Variants in CADM2 observed in about 807,000 individuals in gnomAD.
The protein encoded by CADM2 is immunoglobulin superfamily member 4D.
CADM2 carries 12 observed loss-of-function variants against 49.8 expected under a neutral mutation model. The observed-to-expected ratio is 0.24, with a 90% CI of 0.15 to 0.39. The LOEUF (loss-of-function observed/expected upper bound fraction) is 0.39, where lower values mean the gene tolerates loss of function less well. CADM2 is among the 10% of genes least tolerant of loss of function. The pLI is 1.00. For synonymous variants in CADM2, 214 were observed against 175.4 expected (o/e 1.22, Z -1.74); for missense variants, 378 against 492.3 (o/e 0.77, Z 2.20).
At chr3:85,039,818 C>G (rs1299422997) in intron 1 of CADM2, among the ~76,000 whole-genome samples, 1 of 152,280 alleles carries the variant, frequency 6.6e-6, no homozygotes, top group East Asian at 1.9e-4. Flanking sequence ...GCTCCTATTA[C>G]TTGCTACTAC....
intron 1 of CADM2, among the ~76,000 whole-genome samples, chr3:85,329,306 G>A (rs150788842): frequency 1.1e-3 from 169 of 152,008 alleles, no homozygotes; most frequent in African/African-American, 4.0e-3. Context: ...GGAGGCCGAG[G>A]GAGGAAGATC....
intron 8 of CADM2, chr3:86,028,104 T>C (rs895709904): frequency 2.0e-5 from 3 of 150,198 alleles, no homozygotes; most frequent in African/African-American, 7.3e-5. Flanking sequence ...TAATGTTAAA[T>C]GATGAGTTAA....
intron 1 of CADM2, among the ~76,000 whole-genome samples, chr3:85,294,825 A>G (rs1234490736): frequency 2.6e-5 from 4 of 152,288 alleles, no homozygotes; most frequent in Non-Finnish European, 4.4e-5. Context: ...TAGACCTAAA[A>G]CCATAAAAAC....
At chr3:85,446,036 TAGTCA>T (rs2037435390) in intron 1 of CADM2, among the ~76,000 whole-genome samples, 1 of 152,152 alleles carries the variant, frequency 6.6e-6, no homozygotes, top group African/African-American at 2.4e-5. Flanking sequence ...GTACACTAGA[TAGTCA>T]TTAACTCCTG....
At chr3:86,048,181 ATTATG>A (rs1223765444) in intron 8 of CADM2, among the ~76,000 whole-genome samples, 3 of 151,184 alleles carry the variant, frequency 2.0e-5, no homozygotes, top group Non-Finnish European at 4.4e-5. Flanking sequence ...GTGCATTATG[ATTATG>A]TTATTTTATT....
chr3:85,418,652 T>C (rs2036019466), intron 1 of CADM2, among the ~76,000 whole-genome samples: 1 of 152,132 alleles, frequency 6.6e-6, no homozygotes, highest in Non-Finnish European at 1.5e-5. Context: ...ATAGGTAAAT[T>C]GTTAAAATCT....
At chr3:85,754,676 G>A (rs2069018903) in intron 2 of CADM2, among the ~76,000 whole-genome samples, 1 of 151,950 alleles carries the variant, frequency 6.6e-6, no homozygotes, top group African/African-American at 2.4e-5. Flanking sequence ...CTCCAAACAA[G>A]TTTTGTGAGA....
At chr3:85,226,259 T>C (rs1411283870) in intron 1 of CADM2, among the ~76,000 whole-genome samples, 2 of 151,928 alleles carry the variant, frequency 1.3e-5, no homozygotes, top group Non-Finnish European at 2.9e-5. Flanking sequence ...GATTTTTTTT[T>C]TTTTGATTGG....
At chr3:85,335,591 T>C (rs575143725) in intron 1 of CADM2, among the ~76,000 whole-genome samples, 3 of 151,524 alleles carry the variant, frequency 2.0e-5, no homozygotes, top group Non-Finnish European at 4.4e-5. Flanking sequence ...AAATCCTCCC[T>C]TCTAGCTATA....
intron 8 of CADM2, among the ~76,000 whole-genome samples, chr3:86,007,025 G>A (rs1276525388): frequency 2.6e-5 from 4 of 152,042 alleles, no homozygotes; most frequent in Admixed American, 2.6e-4. Context: ...GGGTGACAGA[G>A]TGAGACTCCA....
chr3:85,192,081 CTT>C (rs34572245), intron 1 of CADM2, among the ~76,000 whole-genome samples: 1,686 of 151,246 alleles, frequency 0.011, 16 homozygotes, highest in Middle Eastern at 0.024. Flanking sequence ...TTATTGACAA[CTT>C]ATAATAAATC....
chr3:86,058,511 T>C (rs977990899), intron 8 of CADM2, among the ~76,000 whole-genome samples: 1 of 152,104 alleles, frequency 6.6e-6, no homozygotes, highest in Admixed American at 6.6e-5. Flanking sequence ...TAGCAGTAAA[T>C]GGTTTAAGGC....
intron 2 of CADM2, among the ~76,000 whole-genome samples, chr3:85,735,708 A>G (rs1238892674): frequency 1.3e-5 from 2 of 152,124 alleles, no homozygotes; most frequent in Non-Finnish European, 2.9e-5. Context: ...TGGAAGTAGG[A>G]CATGATATAG....
intron 3 of CADM2, among the ~76,000 whole-genome samples, chr3:85,828,510 C>T (rs1010092301): frequency 6.6e-6 from 1 of 151,968 alleles, no homozygotes; most frequent in African/African-American, 2.4e-5. Flanking sequence ...TAAGGCCTCC[C>T]AAATCTACCA....
intron 1 of CADM2, among the ~76,000 whole-genome samples, chr3:85,419,856 G>A (rs953598248): frequency 2.0e-5 from 3 of 152,140 alleles, no homozygotes; most frequent in African/African-American, 7.2e-5. Context: ...AGAATCACCT[G>A]GAGAGTTTTT....
chr3:85,468,450 T>G (rs1257271493), intron 1 of CADM2, among the ~76,000 whole-genome samples: 1 of 152,166 alleles, frequency 6.6e-6, no homozygotes, highest in East Asian at 1.9e-4. Flanking sequence ...TTGCCATTTG[T>G]GATACTGAAA....
intron 2 of CADM2, among the ~76,000 whole-genome samples, chr3:85,757,528 T>G (rs1367360976): frequency 6.6e-6 from 1 of 151,940 alleles, no homozygotes; most frequent in Non-Finnish European, 1.5e-5. Flanking sequence ...TACAGAAACA[T>G]GAGATGGAGC....
chr3:86,021,377 G>T (rs750291153), intron 8 of CADM2, among the ~76,000 whole-genome samples: 7 of 151,974 alleles, frequency 4.6e-5, no homozygotes, highest in Non-Finnish European at 8.8e-5. Context: ...TTGCTTCCCG[G>T]AGGAATATAT....
chr3:85,731,968 C>T (rs1261458048), intron 2 of CADM2, among the ~76,000 whole-genome samples: 1 of 151,332 alleles, frequency 6.6e-6, no homozygotes, highest in Non-Finnish European at 1.5e-5. Context: ...TAAAAGTGGG[C>T]CGGGTGTGAT....
Sources: gnomAD v4.1 joint callset for allele counts (sites outside exome capture counted in the v4.1 genomes callset) on GRCh38, gnomAD v4.1.1 for gene constraint, MANE v1.5 for transcripts, NCBI Gene and HGNC (gene_info 2026-07-23, HGNC 2026-07-21) for gene names.